PCDHA4: variants seen among roughly 807,000 people sequenced by gnomAD.
The protein encoded by PCDHA4 is protocadherin alpha-4.
Under a neutral mutation model 61.4 loss-of-function variants are expected in PCDHA4, and 49 were observed. That is an observed-to-expected ratio of 0.80 (90% CI 0.63 to 1.01). PCDHA4 has a LOEUF of 1.01. PCDHA4 is among the 50% of genes least tolerant of loss of function. The pLI, the probability that PCDHA4 is intolerant of heterozygous loss-of-function variation, is 0.00. For synonymous variants in PCDHA4, 590 were observed against 550.3 expected, an observed-to-expected ratio of 1.07 and a Z score of -1.01; for missense variants, 1,254 against 1,235.8, an observed-to-expected ratio of 1.01 and a Z score of -0.22.
intron 3 of PCDHA4, among the ~76,000 whole-genome samples, chr5:140,993,307 A>G (rs1388803376): frequency 6.6e-6 from 1 of 152,056 alleles, no homozygotes; most frequent in Non-Finnish European, 1.5e-5. Flanking sequence ...TGCCTCCAGG[A>G]TAATACCTTC....
chr5:140,884,947 C>CA (rs2060414559), intron 1 of PCDHA4, among the ~76,000 whole-genome samples: 1 of 152,090 alleles, frequency 6.6e-6, no homozygotes, highest in Non-Finnish European at 1.5e-5. Context: ...TGAGCATTTA[C>CA]AAAAAATTCC....
At position 140,835,969 on chromosome 5, in the gene PCDHA4, A is replaced by G; in HGVS notation, c.2385+26397A>G. 6.2e-7 allele frequency: 1 copy of G among 1,613,162 alleles called. No homozygotes were observed. The highest frequency in any genetic ancestry group is 1.7e-5 in the Admixed American group (1 of 60,006). On this transcript the variant is annotated intron_variant, in intron 1 of 3. Transcript: ENST00000530339. ...CAGCCGTTGGACCACGAGGAGCTGG[A>G]GCTGTTGCAGTTCCAGGTGAGCGCG... is the stretch of plus-strand genomic sequence containing the variant.
chr5:140,889,424 A>G (rs2062220483), intron 1 of PCDHA4, among the ~76,000 whole-genome samples: 1 of 151,956 alleles, frequency 6.6e-6, no homozygotes, highest in African/African-American at 2.4e-5. Context: ...CGTAGATAAT[A>G]TTTTTTCAGG....
intron 1 of PCDHA4, chr5:140,870,675 C>T (rs1554164570): frequency 6.2e-7 from 1 of 1,612,672 alleles, no homozygotes. Flanking sequence ...CGTTGGACCA[C>T]GAGGAGCTGG....
chr5:140,830,251 G>A (rs1554132671), intron 1 of PCDHA4: 2 of 1,613,892 alleles, frequency 1.2e-6, no homozygotes. Flanking sequence ...TGTACACAGC[G>A]CTGCGGTGCT....
In PCDHA4 at chr5:140,834,300, C is replaced by A. The variant is rs111598234; in HGVS notation, c.2385+24728C>A. 3,027 of 1,283,790 alleles carry A rather than the reference C, an allele frequency of 2.4e-3. 46 individuals carry two copies. The African/African-American group carries it at 0.039, about 17-fold the overall frequency. 79.5% of individuals were successfully genotyped at this position (1,283,790 alleles called of 1,614,324 possible). On this transcript the variant is annotated intron_variant, in intron 1 of 3. Transcript: ENST00000530339. ...TGGATGCACAACAATGGCCACACATCGAGATTGAAATGAAGGGATAAAAAC... is the reference window on the plus strand; with the variant it reads ...TGGATGCACAACAATGGCCACACATAGAGATTGAAATGAAGGGATAAAAAC...
intron 1 of PCDHA4, chr5:140,861,441 C>A: frequency 2.0e-6 from 1 of 493,506 alleles, no homozygotes; most frequent in Non-Finnish European, 4.2e-6. Context: ...TTCCAAAAGC[C>A]GCAGAAACCT....
At chr5:140,825,958 C>T (rs2150141967) in intron 1 of PCDHA4, 17 of 152,338 alleles carry the variant, frequency 1.1e-4, no homozygotes, top group African/African-American at 2.7e-4. Context: ...CATTTGTCTA[C>T]TCTTTTGAGG....
chr5:140,829,848 G>T, intron 1 of PCDHA4: 1 of 1,613,962 alleles, frequency 6.2e-7, no homozygotes, highest in Non-Finnish European at 8.5e-7. Flanking sequence ...CGGTCACTGG[G>T]TGCAGGCCAA....
chr5:140,942,629 A>C (rs1401408646), intron 1 of PCDHA4, among the ~76,000 whole-genome samples: 1 of 152,076 alleles, frequency 6.6e-6, no homozygotes, highest in Non-Finnish European at 1.5e-5. Flanking sequence ...TAAAAAAAAA[A>C]ATGGCAAAAG....
At chr5:140,928,344 G>T (rs1554205800) in intron 1 of PCDHA4, 2 of 1,614,168 alleles carry the variant, frequency 1.2e-6, no homozygotes, top group East Asian at 2.2e-5. Flanking sequence ...CTTATGAGCT[G>T]TTGGATGTTA....
Position 140,809,694 on chromosome 5 carries a change from A to G in PCDHA4, c.2385+122A>G, listed in dbSNP as rs1581705402. On this transcript the variant is annotated intron_variant, in intron 1 of 3. Transcript: ENST00000530339. ...AAATTTTACCTCTTTTTACATATCC[A>G]TTTTAACTAAAGTCTTTTGGAATTA... 2.5e-6 allele frequency: 3 copies of G among 1,188,996 alleles called. No homozygotes were observed. The South Asian group carries it at 4.7e-5, about 19-fold the overall frequency. 73.7% of individuals were successfully genotyped at this position (1,188,996 alleles called of 1,614,324 possible). A position where few individuals can be genotyped will look rare whatever the true frequency, so the allele number is the denominator to read the frequency against.
At chr5:140,871,497 G>T in intron 1 of PCDHA4, 1 of 1,586,946 alleles carries the variant, frequency 6.3e-7, no homozygotes, top group East Asian at 2.3e-5. Context: ...CCGGACAGGT[G>T]AGTTTTCTAC....
chr5:140,872,448 G>A (rs1164382380), intron 1 of PCDHA4, among the ~76,000 whole-genome samples: 2 of 151,992 alleles, frequency 1.3e-5, no homozygotes, highest in South Asian at 2.1e-4. Flanking sequence ...ACAACATAGC[G>A]AGATCCTGTC....
chr5:140,977,484 G>A (rs2096763384), intron 1 of PCDHA4, among the ~76,000 whole-genome samples: 1 of 152,220 alleles, frequency 6.6e-6, no homozygotes. Flanking sequence ...TTTATGCTAT[G>A]TTATATGGAA....
At chr5:140,841,325 G>T in intron 1 of PCDHA4, 1 of 1,608,154 alleles carries the variant, frequency 6.2e-7, no homozygotes, top group Non-Finnish European at 8.5e-7. Flanking sequence ...ATTTAACATG[G>T]ATTATCACTG....
At chr5:140,995,653 G>A (rs964259982) in intron 3 of PCDHA4, among the ~76,000 whole-genome samples, 1 of 152,100 alleles carries the variant, frequency 6.6e-6, no homozygotes, top group Non-Finnish European at 1.5e-5. Context: ...AAGGAGAATC[G>A]AAAAGGGAAG....
intron 1 of PCDHA4, chr5:140,928,901 T>A (rs781842258): frequency 6.2e-7 from 1 of 1,614,212 alleles, no homozygotes. Flanking sequence ...TTTGAAGATG[T>A]CTGGGAACCA....
intron 1 of PCDHA4, among the ~76,000 whole-genome samples, chr5:140,974,423 C>T (rs2096627451): frequency 6.6e-6 from 1 of 152,166 alleles, no homozygotes; most frequent in Non-Finnish European, 1.5e-5. Flanking sequence ...ATTTTACTTT[C>T]CTGGTTTGTA....
Sources: allele counts gnomAD v4.1 joint callset (sites outside exome capture counted in the v4.1 genomes callset), GRCh38; gene constraint gnomAD v4.1.1; transcripts MANE v1.5; gene names NCBI Gene and HGNC (gene_info 2026-07-23, HGNC 2026-07-21).